Variants in DAB1 observed in about 807,000 individuals in gnomAD.
DAB1 encodes the protein disabled homolog 1.
DAB1 carries 15 observed loss-of-function variants against 64.6 expected under a neutral mutation model. The ratio of observed to expected loss-of-function variants is 0.23; its 90% CI spans 0.16 to 0.36. The LOEUF is 0.36. Among genes scored for constraint, DAB1 ranks in the 10% least tolerant of loss-of-function variants. The pLI is 1.00. For missense variants in DAB1, 596 were observed against 706.7 expected (o/e 0.84, Z 1.78); for synonymous variants, 235 against 251.9 (o/e 0.93, Z 0.64).
intron 7 of DAB1, among the ~76,000 whole-genome samples, chr1:57,613,349 C>T (rs1645751077): frequency 6.6e-6 from 1 of 152,166 alleles, no homozygotes; most frequent in Non-Finnish European, 1.5e-5. Flanking sequence ...ACCCATGAGG[C>T]ACTGAGAGCC....
At chr1:57,456,921 T>C (rs979679786) in intron 7 of DAB1, among the ~76,000 whole-genome samples, 4 of 152,096 alleles carry the variant, frequency 2.6e-5, no homozygotes, top group Non-Finnish European at 5.9e-5. Context: ...ATTTCTAACC[T>C]TCCATGTCAG....
intron 9 of DAB1, among the ~76,000 whole-genome samples, chr1:57,035,926 G>A (rs372372721): frequency 2.3e-4 from 30 of 128,686 alleles, no homozygotes; most frequent in Admixed American, 1.4e-3. Context: ...CACTGCAACC[G>A]TTGCCTCCCA....
chr1:57,176,970 T>TAC (rs146465598), intron 2 of DAB1, among the ~76,000 whole-genome samples: 9,428 of 60,724 alleles, frequency 0.16, 751 homozygotes, highest in Non-Finnish European at 0.22. Flanking sequence ...CAGCAGCAGA[T>TAC]ATAAAAAAAA....
At position 57,323,510 on chromosome 1, in the gene DAB1, A is replaced by T. The variant is rs1182383281; in HGVS notation, c.-136-32344T>A. On this transcript the variant is annotated intron_variant, in intron 1 of 14. Coordinates refer to ENST00000371236, the MANE Select transcript of DAB1 (RefSeq NM_001365792.1). ...CATAGATTCCATCACTCAAACATTAATCACTTTTGGCCTGGAATTTTCACT... is the reference window on the plus strand; with the variant it reads ...CATAGATTCCATCACTCAAACATTATTCACTTTTGGCCTGGAATTTTCACT... Among the ~76,000 whole-genome samples the T allele has an allele frequency of 2.6e-5, 4 of 152,142 alleles. No homozygotes were observed. In the East Asian group the frequency reaches 7.7e-4, roughly 29 times the overall value.
chr1:58,283,231 G>A (rs1661607038), intron 4 of DAB1, among the ~76,000 whole-genome samples: 1 of 151,568 alleles, frequency 6.6e-6, no homozygotes, highest in Admixed American at 6.6e-5. Flanking sequence ...AAAGAGGCAA[G>A]CCAGGAAGCA....
chr1:57,727,988 G>A (rs1355518542), intron 6 of DAB1, among the ~76,000 whole-genome samples: 2 of 152,174 alleles, frequency 1.3e-5, no homozygotes, highest in Non-Finnish European at 2.9e-5. Context: ...GGCCTCATAA[G>A]CTATGGTTCT....
chr1:57,162,675 T>G (rs1039613365), intron 2 of DAB1, among the ~76,000 whole-genome samples: 4 of 152,210 alleles, frequency 2.6e-5, no homozygotes, highest in Admixed American at 2.0e-4. Flanking sequence ...TGCGGAGTAT[T>G]TTTTGTAAAG....
chr1:58,391,586 A>T (rs1644476451), intron 3 of DAB1, among the ~76,000 whole-genome samples: 1 of 152,174 alleles, frequency 6.6e-6, no homozygotes, highest in Non-Finnish European at 1.5e-5. Flanking sequence ...GGATACTCTC[A>T]ACTCTTTCTT....
At chr1:58,043,589 A>G (rs1479588320) in intron 5 of DAB1, among the ~76,000 whole-genome samples, 2 of 152,242 alleles carry the variant, frequency 1.3e-5, no homozygotes, top group Non-Finnish European at 2.9e-5. Context: ...TGAATCTCAC[A>G]AAATTAATAC....
chr1:58,536,674 T>G, intron 1 of DAB1: 1 of 872,830 alleles, frequency 1.1e-6, no homozygotes. Context: ...CATTTATTCT[T>G]CCTTATATTT....
chr1:58,139,326 C>T (rs952386337), intron 5 of DAB1, among the ~76,000 whole-genome samples: 5 of 152,098 alleles, frequency 3.3e-5, no homozygotes, highest in African/African-American at 1.2e-4. Context: ...TGAAGAAATA[C>T]CCGAGACTGA....
intron 1 of DAB1, among the ~76,000 whole-genome samples, chr1:57,377,486 G>A (rs543874525): frequency 6.6e-6 from 1 of 152,246 alleles, no homozygotes; most frequent in East Asian, 1.9e-4. Context: ...CTCCTCAGAT[G>A]ATTCTTATGC....
chr1:57,427,152 C>G (rs961535740), upstream of DAB1, among the ~76,000 whole-genome samples: 1 of 152,194 alleles, frequency 6.6e-6, no homozygotes, highest in Admixed American at 6.5e-5. Flanking sequence ...CGTGAGCCAC[C>G]ACGCCCGGCC....
intron 6 of DAB1, among the ~76,000 whole-genome samples, chr1:57,775,856 G>GC (rs572372735): frequency 2.8e-4 from 42 of 151,370 alleles, no homozygotes; most frequent in African/African-American, 9.9e-4. Flanking sequence ...TTCTTATTCA[G>GC]TTTTTGCTTC....
At chr1:57,836,522 T>C (rs866469944) in intron 1 of DAB1, among the ~76,000 whole-genome samples, 2 of 152,192 alleles carry the variant, frequency 1.3e-5, no homozygotes, top group Admixed American at 1.3e-4. Flanking sequence ...CTTTCGGAGA[T>C]GAGGGAAGGA....
At chr1:57,851,677 A>G (rs1434477185) in intron 1 of DAB1, among the ~76,000 whole-genome samples, 1 of 152,176 alleles carries the variant, frequency 6.6e-6, no homozygotes, top group Non-Finnish European at 1.5e-5. Flanking sequence ...ATATTAGAAG[A>G]GTCTTTCTGA....
intron 3 of DAB1, among the ~76,000 whole-genome samples, chr1:58,344,252 A>T (rs1368667351): frequency 6.6e-6 from 1 of 152,188 alleles, no homozygotes; most frequent in Non-Finnish European, 1.5e-5. Context: ...CTGAACACAT[A>T]GCAGGTGTCT....
At chr1:58,535,498 A>C (rs1646501884) in intron 1 of DAB1, among the ~76,000 whole-genome samples, 1 of 150,744 alleles carries the variant, frequency 6.6e-6, no homozygotes, top group African/African-American at 2.4e-5. Flanking sequence ...CGGGAGGCTG[A>C]GGCAGGAGAA....
chr1:57,113,170 A>C (rs1402616302), intron 4 of DAB1, among the ~76,000 whole-genome samples: 1 of 152,216 alleles, frequency 6.6e-6, no homozygotes, highest in African/African-American at 2.4e-5. Flanking sequence ...GAGTGGGTTC[A>C]GCAAGTCACT....
Sources: gnomAD v4.1 joint callset for allele counts (sites outside exome capture counted in the v4.1 genomes callset) on GRCh38, gnomAD v4.1.1 for gene constraint, MANE v1.5 for transcripts, NCBI Gene and HGNC (gene_info 2026-07-23, HGNC 2026-07-21) for gene names.